Variants in DOCK5 observed in about 807,000 individuals in gnomAD.
The protein encoded by DOCK5 is dedicator of cytokinesis protein 5.
Under a neutral mutation model 251.8 loss-of-function variants are expected in DOCK5, and 142 were observed. The ratio of observed to expected loss-of-function variants is 0.56; its 90% CI spans 0.49 to 0.65. DOCK5 has a LOEUF of 0.65. Ranked by LOEUF, DOCK5 falls within the 30% of genes least tolerant of loss-of-function variation. The probability of loss-of-function intolerance (pLI) is 0.00; values close to 1 mark genes in which losing one functional copy is unlikely to be tolerated. For missense variants in DOCK5, 2,111 were observed against 2,312.3 expected, an observed-to-expected ratio of 0.91 and a Z score of 1.79; for synonymous variants, 842 against 835.5, an observed-to-expected ratio of 1.01 and a Z score of -0.13.
In DOCK5 at chr8:25,292,160, A is replaced by G; in HGVS notation, c.458A>G (p.Asp153Gly). ...AAGAAGAAAGTCACAGCCAAAATTG[A>G]TCATGGGAACAGGTAGGTAAACCAG... is the stretch of plus-strand genomic sequence containing the variant. ...ELKKKVTAKI[D>G]HGNRMLGLDL... The change falls in exon 6 of 52, where the codon GAT (aspartate) becomes GGT (glycine). Residue 153 changes from aspartate to glycine, a missense_variant. Asp to Gly is a moderately conservative substitution (Grantham distance 94, BLOSUM62 -1). This residue lies in a region of DOCK5 where 335 missense variants were observed against 324.9 expected (regional missense o/e 1.03). Coordinates refer to ENST00000276440, the MANE Select transcript of DOCK5 (RefSeq NM_024940.8). 1.3e-6 allele frequency: 2 copies of G among 1,578,278 alleles called. No homozygotes were observed. Among genetic ancestry groups the G allele is most frequent in the Non-Finnish European group, 8.6e-7 (1 of 1,163,650 alleles).
At chr8:25,261,220 T>C (rs959614148) in intron 2 of DOCK5, among the ~76,000 whole-genome samples, 8 of 152,208 alleles carry the variant, frequency 5.3e-5, no homozygotes, top group Non-Finnish European at 1.2e-4. Flanking sequence ...TTTACATATA[T>C]ATTTTTTTCT....
At chr8:25,381,960 C>A (rs1806852790) in intron 39 of DOCK5, among the ~76,000 whole-genome samples, 1 of 152,040 alleles carries the variant, frequency 6.6e-6, no homozygotes. Flanking sequence ...CAGACACTTT[C>A]ATCCAGACCA....
Position 25,197,750 on chromosome 8 carries a change from A to ATTTTTTTTTTT in DOCK5, c.43+12807_43+12817dup, listed in dbSNP as rs71214555. ...AGGTACATGCAACCATGCCAAGCTA[A>ATTTTTTTTTTT]TTTTTTTTTTTTTTTTTTGAGACGG... On this transcript the variant is annotated intron_variant, in intron 1 of 51. Transcript: ENST00000276440. 4.2e-5 allele frequency among the ~76,000 whole-genome samples: 4 copies of ATTTTTTTTTTT among 95,762 alleles called. 1 individual carries two copies. The highest frequency in any genetic ancestry group is 8.3e-5 in the Non-Finnish European group (4 of 48,066). The allele number at this position is 95,762 out of a possible 152,430, so 62.8% of individuals were successfully genotyped here.
chr8:25,395,274 G>C (rs146221767), intron 44 of DOCK5, among the ~76,000 whole-genome samples: 4 of 152,112 alleles, frequency 2.6e-5, no homozygotes, highest in African/African-American at 9.7e-5. Flanking sequence ...TAATGCGAGC[G>C]ATGGAGAGTG....
chr8:25,290,002 T>C (rs1297574297), intron 5 of DOCK5, among the ~76,000 whole-genome samples: 3 of 152,172 alleles, frequency 2.0e-5, no homozygotes, highest in South Asian at 4.1e-4. Context: ...CAAGATCATA[T>C]TGTCCTATTT....
chr8:25,410,972 T>TGTGTGTGTGCGC (rs1331552371), intron 51 of DOCK5, among the ~76,000 whole-genome samples: 1 of 19,168 alleles, frequency 5.2e-5, no homozygotes, highest in African/African-American at 1.5e-4. Flanking sequence ...TGTGTGTGTG[T>TGTGTGTGTGCGC]GCGCGCGCGC....
chr8:25,352,315 G>C (rs757794100), intron 27 of DOCK5, among the ~76,000 whole-genome samples: 8 of 151,520 alleles, frequency 5.3e-5, no homozygotes, highest in Non-Finnish European at 1.0e-4. Context: ...GAAGAAAAGA[G>C]AAAAGAAAGA....
intron 1 of DOCK5, among the ~76,000 whole-genome samples, chr8:25,192,985 A>T (rs1005112788): frequency 6.6e-6 from 1 of 152,200 alleles, no homozygotes; most frequent in Non-Finnish European, 1.5e-5. Flanking sequence ...TTCTGGCTAG[A>T]TACTGTTGCT....
intron 2 of DOCK5, among the ~76,000 whole-genome samples, chr8:25,268,055 G>A (rs1279394703): frequency 6.6e-6 from 1 of 151,998 alleles, no homozygotes; most frequent in East Asian, 1.9e-4. Flanking sequence ...TAGAGACGGG[G>A]TTTCACTATG....
At chr8:25,275,676 A>G (rs997125561) in intron 4 of DOCK5, among the ~76,000 whole-genome samples, 1 of 152,030 alleles carries the variant, frequency 6.6e-6, no homozygotes, top group African/African-American at 2.4e-5. Context: ...TCTCTACTAA[A>G]AATACAAAAG....
chr8:25,403,656 C>CACTT lies in DOCK5; in HGVS notation c.5026_5029dup (p.Ser1677TyrfsTer13). ...TGCGGAGGTTGTCCATCACCTCAGT[C>CACTT]ACTTCCTCTGTGGTTTCCACCTCTT... On this transcript the variant is annotated frameshift_variant, in exon 48 of 52. Transcript: ENST00000276440. LOFTEE classifies it high-confidence loss of function. The CACTT allele has an allele frequency of 6.2e-7, 1 of 1,614,004 alleles. No homozygotes were observed. The highest frequency in any genetic ancestry group is 8.5e-7 in the Non-Finnish European group (1 of 1,179,876).
At chr8:25,316,962 A>G (rs1805266905) in intron 13 of DOCK5, 45 bp from the exon 14 acceptor site, 4 of 1,606,706 alleles carry the variant, frequency 2.5e-6, no homozygotes, top group Non-Finnish European at 3.4e-6. Context: ...GAAACTTAGA[A>G]TGACTTCTCT....
chr8:25,274,704 GT>G (rs1586285978), intron 3 of DOCK5, among the ~76,000 whole-genome samples: 4 of 152,140 alleles, frequency 2.6e-5, no homozygotes, highest in Admixed American at 2.6e-4. Flanking sequence ...AGTGCATTTG[GT>G]TTAAGTGGGA....
intron 1 of DOCK5, among the ~76,000 whole-genome samples, chr8:25,198,263 A>G (rs1801784261): frequency 6.6e-6 from 1 of 152,156 alleles, no homozygotes; most frequent in African/African-American, 2.4e-5. Context: ...CTTCCCTGCC[A>G]GAGACCAGTT....
At chr8:25,272,387 C>T (rs1191494128) in intron 3 of DOCK5, among the ~76,000 whole-genome samples, 6 of 152,190 alleles carry the variant, frequency 3.9e-5, no homozygotes, top group Admixed American at 3.9e-4. Flanking sequence ...AAATTGTCTG[C>T]TTATGATCTG....
rs567113376 is a variant in DOCK5 at position 25,342,031 on chromosome 8, G to A, written c.2510+222G>A. On this transcript the variant is annotated intron_variant, in intron 24 of 51. Transcript: ENST00000276440. ...AAACAAGACATGCAGACATAAAATC[G>A]ATTACAAAAGATAGTGTATAATGAC... Among the ~76,000 whole-genome samples the A allele has an allele frequency of 5.3e-5, 8 of 152,224 alleles. No individual in the cohort carries two copies. The South Asian group carries it at 6.2e-4, about 12-fold the overall frequency.
At chr8:25,376,106 A>AAG (rs1800958696) in intron 37 of DOCK5, 12 of 403,624 alleles carry the variant, frequency 3.0e-5, no homozygotes, top group Non-Finnish European at 3.5e-5. Flanking sequence ...CTCAAAAGAA[A>AAG]AAAAAAAAAA....
intron 1 of DOCK5, among the ~76,000 whole-genome samples, chr8:25,198,608 G>A (rs1030145396): frequency 6.6e-6 from 1 of 151,788 alleles, no homozygotes; most frequent in Admixed American, 6.6e-5. Context: ...ATAAGACTCA[G>A]TTGTCAAAAT....
chr8:25,276,324 G>T (rs1804042373), intron 4 of DOCK5, among the ~76,000 whole-genome samples: 1 of 152,190 alleles, frequency 6.6e-6, no homozygotes, highest in South Asian at 2.1e-4. Flanking sequence ...GTGCCCTGAA[G>T]ATAAGATCTG....
Sources: allele counts gnomAD v4.1 joint callset (sites outside exome capture counted in the v4.1 genomes callset), GRCh38; gene constraint gnomAD v4.1.1; regional missense constraint gnomAD v4.1.1; transcripts MANE v1.5; gene names NCBI Gene and HGNC (gene_info 2026-07-23, HGNC 2026-07-21).